Variants in BMPR1A observed in about 807,000 individuals in gnomAD.
BMPR1A encodes the protein bone morphogenetic protein receptor type-1A.
In BMPR1A, 7 loss-of-function variants were observed where a neutral mutation model predicts 66.0. That is an observed-to-expected ratio of 0.11 (90% CI 0.06 to 0.20). BMPR1A has a LOEUF of 0.20. BMPR1A is among the 10% of genes least tolerant of loss of function. The pLI is 1.00. For missense variants in BMPR1A, 408 were observed against 669.1 expected, an observed-to-expected ratio of 0.61 and a Z score of 4.31; for synonymous variants, 200 against 229.7, an observed-to-expected ratio of 0.87 and a Z score of 1.17.
intron 2 of BMPR1A, among the ~76,000 whole-genome samples, chr10:86,865,384 C>A (rs1482127632): frequency 1.3e-5 from 2 of 152,184 alleles, no homozygotes; most frequent in African/African-American, 2.4e-5. Flanking sequence ...AAAGCTCCCC[C>A]ACTGAGCACC....
chr10:86,797,575 A>G (rs546383483), intron 1 of BMPR1A, among the ~76,000 whole-genome samples: 129 of 152,116 alleles, frequency 8.5e-4, no homozygotes, highest in African/African-American at 3.0e-3. Context: ...CACGTTGGCC[A>G]GCCTGGTCTT....
intron 2 of BMPR1A, chr10:86,856,119 G>T: frequency 7.7e-6 from 4 of 521,484 alleles, no homozygotes; most frequent in South Asian, 6.0e-5. Flanking sequence ...AGACTTTATT[G>T]GTTTTGAAAT....
chr10:86,812,106 T>G (rs1841980230), intron 1 of BMPR1A, among the ~76,000 whole-genome samples: 1 of 151,714 alleles, frequency 6.6e-6, no homozygotes, highest in African/African-American at 2.4e-5. Context: ...GGATATACAG[T>G]TCTATGAATT....
intron 1 of BMPR1A, among the ~76,000 whole-genome samples, chr10:86,823,138 A>G (rs191857452): frequency 3.2e-4 from 48 of 152,332 alleles, no homozygotes; most frequent in African/African-American, 1.1e-3. Context: ...ATTATTAGGC[A>G]ATGTTATTAA....
intron 1 of BMPR1A, among the ~76,000 whole-genome samples, chr10:86,796,264 A>T (rs1259075786): frequency 6.6e-6 from 1 of 152,142 alleles, no homozygotes; most frequent in Non-Finnish European, 1.5e-5. Context: ...ATATGTATTT[A>T]TAAATATGTG....
In BMPR1A at chr10:86,918,862, A is replaced by T. The variant is rs558098495; in HGVS notation, c.869-310A>T. Reference sequence around the variant, plus strand: ...GGTCTCGAGCTCCTGACCTCAAGTGATCCTCCTGCCTTGGCCTCCCAAAGT... The same window carrying T: ...GGTCTCGAGCTCCTGACCTCAAGTGTTCCTCCTGCCTTGGCCTCCCAAAGT... On this transcript the variant is annotated intron_variant, in intron 9 of 12. Coordinates refer to ENST00000372037, the MANE Select transcript of BMPR1A (RefSeq NM_004329.3). Among the ~76,000 whole-genome samples the T allele has an allele frequency of 2.8e-4, 42 of 152,172 alleles. 1 individual carries two copies. The East Asian group carries it at 8.1e-3, about 29-fold the overall frequency.
At chr10:86,903,504 C>T (rs971843245) in intron 7 of BMPR1A, among the ~76,000 whole-genome samples, 110 of 151,450 alleles carry the variant, frequency 7.3e-4, no homozygotes, top group Non-Finnish European at 1.4e-3. Context: ...TTCAGATGGC[C>T]TAATATAGAT....
rs1165747733 is a variant in BMPR1A, at chr10:86,838,856, T to TC, written c.-267-8dup. 2 of 152,184 alleles carry TC rather than the reference T, an allele frequency of 1.3e-5. No homozygotes were observed. Among genetic ancestry groups the TC allele is most frequent in the Admixed American group, 6.5e-5 (1 of 15,270 alleles). 9.4% of individuals were successfully genotyped at this position (152,184 alleles called of 1,614,324 possible). A position where few individuals can be genotyped will look rare whatever the true frequency, so the allele number is the denominator to read the frequency against. On this transcript the variant is annotated splice_polypyrimidine_tract_variant and intron_variant, in intron 1 of 12. Transcript: ENST00000372037. Reference sequence around the variant, plus strand: ...AAGTCTTAAATAAGTTCTTTTTTTTTCTAAACAGACTTATGAAAATATGCA... The same window carrying TC: ...AAGTCTTAAATAAGTTCTTTTTTTTTCCTAAACAGACTTATGAAAATATGCA...
chr10:86,761,411 TATG>T (rs1411595386), intron 1 of BMPR1A, among the ~76,000 whole-genome samples: 1 of 152,238 alleles, frequency 6.6e-6, no homozygotes, highest in Non-Finnish European at 1.5e-5. Flanking sequence ...GCTGTTGACT[TATG>T]AAGGAGGACA....
chr10:86,792,520 G>T (rs1325248643), intron 1 of BMPR1A, among the ~76,000 whole-genome samples: 2 of 152,180 alleles, frequency 1.3e-5, no homozygotes, highest in Non-Finnish European at 2.9e-5. Context: ...GACAGGCTGG[G>T]TGCAGTGGCT....
At chr10:86,891,354 C>A (rs535872046) in intron 4 of BMPR1A, among the ~76,000 whole-genome samples, 81 of 152,258 alleles carry the variant, frequency 5.3e-4, no homozygotes, top group Middle Eastern at 6.8e-3. Flanking sequence ...ACTGAATCAT[C>A]CATTTTAACA....
rs1843704415 is a variant in BMPR1A, at chr10:86,923,743, C to T, written c.*24C>T. On this transcript the variant is annotated 3_prime_UTR_variant, in exon 13 of 13. Transcript: ENST00000372037. ...GATGGTTAAACCATCGGAGGAGAAA[C>T]TCTAGACTGCAAGAACTGTTTTTAC... is the stretch of plus-strand genomic sequence containing the variant. 1 of 1,611,838 alleles carries T rather than the reference C, an allele frequency of 6.2e-7. No homozygotes were observed. The highest frequency in any genetic ancestry group is 1.3e-5 in the African/African-American group (1 of 74,814).
At chr10:86,787,790 A>C (rs1159561657) in intron 1 of BMPR1A, among the ~76,000 whole-genome samples, 2 of 152,158 alleles carry the variant, frequency 1.3e-5, no homozygotes, top group Non-Finnish European at 2.9e-5. Flanking sequence ...CTATCTTCAC[A>C]TGACAGCAGG....
intron 1 of BMPR1A, among the ~76,000 whole-genome samples, chr10:86,774,449 A>T (rs540986084): frequency 1.5e-4 from 19 of 125,522 alleles, no homozygotes; most frequent in South Asian, 4.4e-4. Flanking sequence ...TAAAGAAATT[A>T]AAAAAAAAAA....
At chr10:86,763,253 A>C (rs1262855612) in intron 1 of BMPR1A, among the ~76,000 whole-genome samples, 1 of 152,170 alleles carries the variant, frequency 6.6e-6, no homozygotes, top group East Asian at 1.9e-4. Context: ...AAGGCAATAC[A>C]TCTATTGTGG....
Position 86,790,191 on chromosome 10 carries a change from ATATATATATATATATATAT to A in BMPR1A, c.-268+33273_-268+33291del, listed in dbSNP as rs1589717222. Among the ~76,000 whole-genome samples, 27 of 9,322 alleles carry A rather than the reference ATATATATATATATATATAT, an allele frequency of 2.9e-3. 5 individuals are homozygous for A. The East Asian group carries it at 0.068, about 24-fold the overall frequency. 6.1% of individuals were successfully genotyped at this position (9,322 alleles called of 152,430 possible). A position where few individuals can be genotyped will look rare whatever the true frequency, so the allele number is the denominator to read the frequency against. On this transcript the variant is annotated intron_variant, in intron 1 of 12. Transcript: ENST00000372037. ...AAAAAAAAAAAAAAAAAAAAAAAAT[ATATATATATATATATATAT>A]ATATATATATATATATATATATATA...
chr10:86,860,310 A>C (rs1415995620), intron 2 of BMPR1A, among the ~76,000 whole-genome samples: 1 of 152,228 alleles, frequency 6.6e-6, no homozygotes, highest in Non-Finnish European at 1.5e-5. Context: ...AGCATTATAT[A>C]TATAAAAACA....
At chr10:86,778,688 A>G (rs1841392170) in intron 1 of BMPR1A, among the ~76,000 whole-genome samples, 1 of 152,186 alleles carries the variant, frequency 6.6e-6, no homozygotes, top group African/African-American at 2.4e-5. Flanking sequence ...ATAAAGTACT[A>G]GAATTTATTC....
At position 86,864,297 on chromosome 10, in the gene BMPR1A, C is replaced by CA. The variant is rs567242161; in HGVS notation, c.-152-11562dup. On this transcript the variant is annotated intron_variant, in intron 2 of 12. Transcript: ENST00000372037. ...TGTTCCCCTCATGACACCGACACGA[C>CA]AAAAAAAAGTTATTCCACTAATTCC... Among the ~76,000 whole-genome samples, 22 of 151,948 alleles carry CA rather than the reference C, an allele frequency of 1.4e-4. No homozygotes were observed. In the East Asian group the frequency reaches 2.7e-3, roughly 19 times the overall value.
Sources: allele counts gnomAD v4.1 joint callset (sites outside exome capture counted in the v4.1 genomes callset), GRCh38; gene constraint gnomAD v4.1.1; transcripts MANE v1.5; gene names NCBI Gene and HGNC (gene_info 2026-07-23, HGNC 2026-07-21).